CEP55: variants seen among roughly 807,000 people sequenced by gnomAD.
The protein encoded by CEP55 is centrosomal protein 55.
A neutral mutation model predicts 63.2 loss-of-function variants in CEP55; 57 were observed. That is an observed-to-expected ratio of 0.90 (90% CI 0.73 to 1.13). The LOEUF is 1.13. Ranked by LOEUF, CEP55 falls within the 50% of genes most tolerant of loss-of-function variation. CEP55 has a pLI of 0.00. For missense variants in CEP55, 456 were observed against 518.9 expected (o/e 0.88, Z 1.18); for synonymous variants, 178 against 191.6 (o/e 0.93, Z 0.59).
intron 8 of CEP55, among the ~76,000 whole-genome samples, chr10:93,527,264 G>A (rs2057933636): frequency 6.6e-6 from 1 of 152,150 alleles, no homozygotes; most frequent in South Asian, 2.1e-4. Context: ...TGTTTGAGCT[G>A]CTAAAATTGC....
intron 5 of CEP55, 52 bp from the exon 6 acceptor site, chr10:93,516,883 G>A: frequency 8.0e-7 from 1 of 1,257,656 alleles, no homozygotes; most frequent in Non-Finnish European, 1.1e-6. Context: ...CTCTTTTCAG[G>A]AATATTATTT....
intron 8 of CEP55, among the ~76,000 whole-genome samples, chr10:93,524,734 A>C (rs889302597): frequency 6.6e-6 from 1 of 152,216 alleles, no homozygotes; most frequent in African/African-American, 2.4e-5. Context: ...CAAAAAGCTT[A>C]TCCATCATGA....
At chr10:93,518,792 A>C (rs1421291341) in intron 6 of CEP55, 85 bp from the exon 7 acceptor site, 13 of 862,424 alleles carry the variant, frequency 1.5e-5, no homozygotes, top group Non-Finnish European at 2.4e-5. Flanking sequence ...GAGATGTGAG[A>C]CTTGTGATGT....
chr10:93,528,283 A>T lies in CEP55; in HGVS notation c.*130A>T. ...TCTACCTTTGACACTCCAGCATGCT[A>T]GTGAATCATGTATCTTTTAGGCTGC... On this transcript the variant is annotated 3_prime_UTR_variant, in exon 9 of 9. Coordinates refer to ENST00000371485, the MANE Select transcript of CEP55 (RefSeq NM_018131.5). The T allele has an allele frequency of 1.4e-6, 1 of 710,066 alleles. No homozygotes were observed. The highest frequency in any genetic ancestry group is 2.5e-5 in the Admixed American group (1 of 39,320). 44.0% of individuals were successfully genotyped at this position (710,066 alleles called of 1,614,324 possible).
intron 2 of CEP55, among the ~76,000 whole-genome samples, chr10:93,500,620 C>T (rs1454457387): frequency 3.3e-5 from 5 of 152,170 alleles, no homozygotes; most frequent in African/African-American, 1.2e-4. Flanking sequence ...CTTCCTATAG[C>T]TTCTTGGTAA....
intron 4 of CEP55, among the ~76,000 whole-genome samples, chr10:93,511,403 T>C (rs1195400479): frequency 6.6e-6 from 1 of 152,098 alleles, no homozygotes; most frequent in Non-Finnish European, 1.5e-5. Flanking sequence ...ATACAATCAA[T>C]ATTTATGATA....
intron 4 of CEP55, among the ~76,000 whole-genome samples, chr10:93,512,937 G>A (rs571969162): frequency 2.3e-4 from 35 of 152,100 alleles, no homozygotes; most frequent in African/African-American, 6.3e-4. Flanking sequence ...TTTTTATTAC[G>A]AAAAATGTCA....
intron 8 of CEP55, chr10:93,520,253 C>T (rs2057845581): frequency 6.2e-6 from 1 of 160,870 alleles, no homozygotes; most frequent in Non-Finnish European, 1.4e-5. Flanking sequence ...TGGTGAAACC[C>T]TGTCTCTACT....
chr10:93,518,900 G>A lies in CEP55; in HGVS notation c.1017G>A (p.Leu339=). The change falls in exon 7 of 9, where the codon CTG becomes CTA. Residue 339 remains leucine (L), a synonymous_variant. Transcript: ENST00000371485. ...LSQVQFLYTS[L]LKQQEEQTRV... ...AGGTCCAGTTTCTTTACACATCTCT[G>A]CTAAAGCAGCAAGAAGAACAAACAA... is the stretch of plus-strand genomic sequence containing the variant. 6.2e-7 allele frequency: 1 copy of A among 1,612,318 alleles called. No homozygotes were observed. Among genetic ancestry groups the A allele is most frequent in the Middle Eastern group, 1.7e-4 (1 of 6,056 alleles).
chr10:93,506,322 G>T (rs2057688329), intron 3 of CEP55, among the ~76,000 whole-genome samples: 1 of 152,134 alleles, frequency 6.6e-6, no homozygotes, highest in Non-Finnish European at 1.5e-5. Context: ...TGTCTTCTAG[G>T]TGTCATTTAA....
At position 93,528,335 on chromosome 10, in the gene CEP55, T is replaced by G; in HGVS notation, c.*182T>G. ...GTGCATTTCTCTTGGCAGTGATACC[T>G]CCCTGACATGGTTCATCATCAGGCT... On this transcript the variant is annotated 3_prime_UTR_variant, in exon 9 of 9. Transcript: ENST00000371485. The G allele has an allele frequency of 5.0e-6, 3 of 602,292 alleles. No homozygotes were observed. The highest frequency in any genetic ancestry group is 8.8e-6 in the Non-Finnish European group (3 of 339,024). The allele number at this position is 602,292 out of a possible 1,614,324, so 37.3% of individuals were successfully genotyped here.
rs2057575201 is a variant in CEP55 at position 93,496,936 on chromosome 10, T to C, written c.-13+13T>C. 1 of 152,286 alleles carries C rather than the reference T, an allele frequency of 6.6e-6. No individual in the cohort carries two copies. The highest frequency in any genetic ancestry group is 2.1e-4 in the South Asian group (1 of 4,836). The allele number at this position is 152,286 out of a possible 1,614,324, so 9.4% of individuals were successfully genotyped here. A position where few individuals can be genotyped will look rare whatever the true frequency, so the allele number is the denominator to read the frequency against. On this transcript the variant is annotated intron_variant, in intron 1 of 8. Coordinates refer to ENST00000371485, the MANE Select transcript of CEP55 (RefSeq NM_018131.5). ...TTTGGACTTGGCGGTGGGTATCATC[T>C]CCTTACAGATAGGCGCAGAGAGGCC... is the stretch of plus-strand genomic sequence containing the variant.
intron 8 of CEP55, among the ~76,000 whole-genome samples, chr10:93,523,571 G>A (rs2057886899): frequency 6.6e-6 from 1 of 152,174 alleles, no homozygotes; most frequent in East Asian, 1.9e-4. Context: ...ATTGAACTCA[G>A]CTCTGCACCA....
Position 93,517,112 on chromosome 10 carries a change from AAAG to A in CEP55, c.861_863del (p.Arg288del). ...AATTTAAATCAGCTGTTGTATTCAC[AAAG>A]AAGGGCAGATGTGCAACATCTGGAA... On this transcript the variant is annotated inframe_deletion, in exon 6 of 9. Coordinates refer to ENST00000371485, the MANE Select transcript of CEP55 (RefSeq NM_018131.5). 6.2e-7 allele frequency: 1 copy of A among 1,614,104 alleles called. No individual in the cohort carries two copies. Among genetic ancestry groups the A allele is most frequent in the Non-Finnish European group, 8.5e-7 (1 of 1,179,982 alleles).
chr10:93,520,017 C>A, intron 8 of CEP55: 1 of 573,922 alleles, frequency 1.7e-6, no homozygotes, highest in Non-Finnish European at 3.1e-6. Context: ...AAACATTCCC[C>A]CAACTACCCC....
intron 8 of CEP55, among the ~76,000 whole-genome samples, chr10:93,520,885 A>C (rs1481290606): frequency 6.6e-6 from 1 of 152,240 alleles, no homozygotes; most frequent in East Asian, 1.9e-4. Context: ...CATTTATAAT[A>C]TTTGAAATGA....
chr10:93,499,894 C>A, intron 1 of CEP55, 146 bp from the exon 2 acceptor site: 1 of 537,038 alleles, frequency 1.9e-6, no homozygotes, highest in East Asian at 3.2e-5. Context: ...TTACAATACC[C>A]CAGAAGCCTC....
At chr10:93,500,785 G>A (rs970029981) in intron 2 of CEP55, among the ~76,000 whole-genome samples, 4 of 150,218 alleles carry the variant, frequency 2.7e-5, no homozygotes, top group South Asian at 4.2e-4. Flanking sequence ...TTGAGACTGG[G>A]TCTCAACTCT....
At chr10:93,517,533 T>G (rs1373392565) in intron 6 of CEP55, among the ~76,000 whole-genome samples, 1 of 152,210 alleles carries the variant, frequency 6.6e-6, no homozygotes, top group Admixed American at 6.5e-5. Flanking sequence ...GGTGGGTGAC[T>G]TTTCCTCTCA....
Sources: allele counts gnomAD v4.1 joint callset (sites outside exome capture counted in the v4.1 genomes callset), GRCh38; gene constraint gnomAD v4.1.1; transcripts MANE v1.5; gene names NCBI Gene and HGNC (gene_info 2026-07-23, HGNC 2026-07-21).